ASTN1: variants seen among roughly 807,000 people sequenced by gnomAD.
ASTN1 encodes the protein astrotactin 1.
In ASTN1, 41 loss-of-function variants were observed where a neutral mutation model predicts 140.7. That is an observed-to-expected ratio of 0.29 (90% CI 0.23 to 0.38). The LOEUF (loss-of-function observed/expected upper bound fraction) is 0.38. Among genes scored for constraint, ASTN1 ranks in the 10% least tolerant of loss-of-function variants. ASTN1 has a pLI of 1.00. For missense variants in ASTN1, 1,479 were observed against 1,678.8 expected (o/e 0.88, Z 2.08); for synonymous variants, 640 against 652.2 (o/e 0.98, Z 0.29).
chr1:176,994,683 G>T (rs1571620553), intron 8 of ASTN1, among the ~76,000 whole-genome samples: 1 of 152,194 alleles, frequency 6.6e-6, no homozygotes. Flanking sequence ...TATAACCTTT[G>T]TTTCTAGGGT....
At chr1:176,878,953 T>C (rs1467541557) in intron 20 of ASTN1, among the ~76,000 whole-genome samples, 1 of 152,150 alleles carries the variant, frequency 6.6e-6, no homozygotes, top group Non-Finnish European at 1.5e-5. Context: ...AGGGCTCTTG[T>C]GCGTAGGAAG....
chr1:177,030,054 C>T (rs1031013196), intron 4 of ASTN1, among the ~76,000 whole-genome samples: 5 of 152,140 alleles, frequency 3.3e-5, no homozygotes, highest in Non-Finnish European at 7.3e-5. Context: ...AAATTTCCCT[C>T]ATTACAGGTT....
At chr1:176,983,928 C>T (rs927406181) in intron 8 of ASTN1, among the ~76,000 whole-genome samples, 3 of 152,316 alleles carry the variant, frequency 2.0e-5, no homozygotes, top group Admixed American at 6.5e-5. Flanking sequence ...CCTCAATCCA[C>T]TCATACAAAT....
chr1:177,085,595 T>A (rs1412949422), intron 1 of ASTN1, among the ~76,000 whole-genome samples: 1 of 152,172 alleles, frequency 6.6e-6, no homozygotes, highest in Non-Finnish European at 1.5e-5. Context: ...GGTTCCTTGA[T>A]GATCTGAGTG....
chr1:177,010,606 C>T (rs151109678), intron 8 of ASTN1, among the ~76,000 whole-genome samples: 4 of 152,312 alleles, frequency 2.6e-5, no homozygotes, highest in East Asian at 3.9e-4. Context: ...GCCATCTGGA[C>T]CCTGTCACCT....
intron 1 of ASTN1, among the ~76,000 whole-genome samples, chr1:177,103,020 C>T (rs1371529559): frequency 2.6e-5 from 4 of 152,108 alleles, no homozygotes; most frequent in Non-Finnish European, 5.9e-5. Context: ...TCCCATACTG[C>T]AAAAGGATGA....
At chr1:177,164,284 G>A in intron 1 of ASTN1, 110 bp downstream of exon 1, 3 of 1,182,214 alleles carry the variant, frequency 2.5e-6, no homozygotes, top group Non-Finnish European at 3.5e-6. Context: ...CGGGAGGTAG[G>A]AGTGGGGGAG....
chr1:177,147,666 C>A (rs1168670707), intron 1 of ASTN1, among the ~76,000 whole-genome samples: 1 of 152,144 alleles, frequency 6.6e-6, no homozygotes, highest in South Asian at 2.1e-4. Flanking sequence ...GTTGAAGTAA[C>A]TTTGAGGCTG....
chr1:176,989,147 A>G (rs764898450), intron 8 of ASTN1, among the ~76,000 whole-genome samples: 3 of 152,192 alleles, frequency 2.0e-5, no homozygotes, highest in Non-Finnish European at 4.4e-5. Context: ...GGATTCGGGG[A>G]AGTAAAGTAG....
intron 8 of ASTN1, among the ~76,000 whole-genome samples, chr1:176,974,585 C>T (rs1487149619): frequency 2.0e-5 from 3 of 152,050 alleles, no homozygotes; most frequent in Non-Finnish European, 4.4e-5. Context: ...CAGGGTTTCA[C>T]CATATTGGCC....
At chr1:177,071,729 C>A (rs1374227387) in intron 1 of ASTN1, among the ~76,000 whole-genome samples, 1 of 152,308 alleles carries the variant, frequency 6.6e-6, no homozygotes, top group Non-Finnish European at 1.5e-5. Context: ...TCTTCTCACT[C>A]TAAACCTTTC....
chr1:177,160,550 T>C (rs1436177995), intron 1 of ASTN1, among the ~76,000 whole-genome samples: 2 of 152,238 alleles, frequency 1.3e-5, no homozygotes, highest in Non-Finnish European at 2.9e-5. Flanking sequence ...GAAGGGTTTC[T>C]CCTTCAAATA....
intron 8 of ASTN1, among the ~76,000 whole-genome samples, chr1:176,985,215 T>C (rs1452135946): frequency 2.0e-5 from 3 of 152,188 alleles, no homozygotes; most frequent in Admixed American, 6.5e-5. Context: ...TGAAAAGTCT[T>C]TTCCTATGCC....
chr1:176,926,228 T>C (rs1670963542), intron 16 of ASTN1, among the ~76,000 whole-genome samples: 1 of 150,368 alleles, frequency 6.7e-6, no homozygotes, highest in East Asian at 2.0e-4. Flanking sequence ...ACTTAAATGA[T>C]ATGTATGTTT....
At chr1:176,966,590 T>C (rs1285508418) in intron 8 of ASTN1, among the ~76,000 whole-genome samples, 1 of 152,212 alleles carries the variant, frequency 6.6e-6, no homozygotes, top group Non-Finnish European at 1.5e-5. Flanking sequence ...CCATAACTAC[T>C]TTATAATTTG....
intron 1 of ASTN1, among the ~76,000 whole-genome samples, chr1:177,104,734 C>CT (rs1486954807): frequency 1.3e-5 from 2 of 152,188 alleles, no homozygotes; most frequent in Admixed American, 6.5e-5. Context: ...GAAATGAATG[C>CT]TAGTCCAAAA....
chr1:177,144,417 T>C (rs1184753132), intron 1 of ASTN1, among the ~76,000 whole-genome samples: 2 of 151,460 alleles, frequency 1.3e-5, no homozygotes, highest in Non-Finnish European at 2.9e-5. Flanking sequence ...CGCGCCCGGC[T>C]AGTTTTTTGT....
intron 1 of ASTN1, among the ~76,000 whole-genome samples, chr1:177,068,717 C>A (rs1426569338): frequency 2.6e-5 from 4 of 152,002 alleles, no homozygotes; most frequent in Non-Finnish European, 5.9e-5. Flanking sequence ...CAGATGCACG[C>A]TGTTTTTTCT....
At chr1:176,956,904 C>T (rs1316135862) in intron 11 of ASTN1, among the ~76,000 whole-genome samples, 1 of 151,782 alleles carries the variant, frequency 6.6e-6, no homozygotes, top group Admixed American at 6.6e-5. Context: ...AATAGTATCA[C>T]ATTTTTTTTA....
Sources: allele counts gnomAD v4.1 joint callset (sites outside exome capture counted in the v4.1 genomes callset), GRCh38; gene constraint gnomAD v4.1.1; transcripts MANE v1.5; gene names NCBI Gene and HGNC (gene_info 2026-07-23, HGNC 2026-07-21).